Variants in DPP10 observed in about 807,000 individuals in gnomAD.
The protein encoded by DPP10 is dipeptidyl peptidase like 10.
A neutral mutation model predicts 120.9 loss-of-function variants in DPP10; 33 were observed. That is an observed-to-expected ratio of 0.27 (90% CI 0.21 to 0.37). The LOEUF (loss-of-function observed/expected upper bound fraction) is 0.37. Among genes scored for constraint, DPP10 ranks in the 10% least tolerant of loss-of-function variants. The pLI, the probability that DPP10 is intolerant of heterozygous loss-of-function variation, is 1.00. For missense variants in DPP10, 816 were observed against 942.8 expected, an observed-to-expected ratio of 0.87 and a Z score of 1.76; for synonymous variants, 337 against 326.1, an observed-to-expected ratio of 1.03 and a Z score of -0.36.
intron 1 of DPP10, among the ~76,000 whole-genome samples, chr2:114,931,755 A>C (rs1696086093): frequency 6.6e-6 from 1 of 152,238 alleles, no homozygotes; most frequent in African/African-American, 2.4e-5. Context: ...AAGTTAACCA[A>C]GCTGCATGTC....
At position 114,448,107 on chromosome 2, in the gene DPP10, GT is replaced by G. The variant is rs975909664; in HGVS notation, c.60+5277del. Among the ~76,000 whole-genome samples, 25 of 151,784 alleles carry G rather than the reference GT, an allele frequency of 1.6e-4. 1 individual carries two copies. In the Middle Eastern group the frequency reaches 0.01, roughly 63 times the overall value. On this transcript the variant is annotated intron_variant, in intron 1 of 25. Transcript: ENST00000410059. ...GCTGTTTTTAAAATGAAGCATTATA[GT>G]TTTTTTTCTTTTTAATAAAGAGTGA...
At chr2:115,321,515 G>GTTTTT (rs35046366) in intron 2 of DPP10, among the ~76,000 whole-genome samples, 1 of 121,590 alleles carries the variant, frequency 8.2e-6, no homozygotes, top group Non-Finnish European at 1.6e-5. Context: ...TTTTTTTAGT[G>GTTTTT]TTTTTTTTTT....
chr2:115,042,297 C>T lies in DPP10; in HGVS notation c.61-266942C>T, dbSNP rs150480000. Among the ~76,000 whole-genome samples, 26 of 151,982 alleles carry T rather than the reference C, an allele frequency of 1.7e-4. No homozygotes were observed. In the East Asian group the frequency reaches 4.5e-3, roughly 26 times the overall value. On this transcript the variant is annotated intron_variant, in intron 1 of 25. Transcript: ENST00000410059. ...AATTATTTTTTTTTTGACAGGGCCT[C>T]ACTGTGTTGCCCAGGCTAGGGTGCA... is the stretch of plus-strand genomic sequence containing the variant.
In DPP10 at chr2:114,844,806, G is replaced by T. The variant is rs184630454; in HGVS notation, c.60+401968G>T. 2.6e-5 allele frequency among the ~76,000 whole-genome samples: 4 copies of T among 151,828 alleles called. No homozygotes were observed. The East Asian group carries it at 7.8e-4, about 30-fold the overall frequency. ...GCAAGATGAAAGGACTTCAATTCTG[G>T]TAAGGAACTTATACAAAACTAATCT... On this transcript the variant is annotated intron_variant, in intron 1 of 25. Coordinates refer to ENST00000410059, the MANE Select transcript of DPP10 (RefSeq NM_020868.6).
chr2:115,757,621 G>T (rs1330685713), intron 11 of DPP10, among the ~76,000 whole-genome samples: 1 of 151,952 alleles, frequency 6.6e-6, no homozygotes, highest in Non-Finnish European at 1.5e-5. Context: ...ATGTGATTTG[G>T]GTGGGACACA....
intron 1 of DPP10, among the ~76,000 whole-genome samples, chr2:114,929,431 C>A (rs1200337450): frequency 6.6e-6 from 1 of 152,182 alleles, no homozygotes; most frequent in African/African-American, 2.4e-5. Flanking sequence ...TCTTCAACCG[C>A]ATAAGACAGA....
chr2:115,780,884 G>A lies in DPP10; in HGVS notation c.1372G>A (p.Glu458Lys). 2 of 1,601,280 alleles carry A rather than the reference G, an allele frequency of 1.2e-6. No individual in the cohort carries two copies. Among genetic ancestry groups the A allele is most frequent in the Non-Finnish European group, 1.7e-6 (2 of 1,172,194 alleles). The change falls in exon 16 of 26, where the codon GAA (glutamate) becomes AAA (lysine). Residue 458 changes from glutamate (E) to lysine (K), a missense_variant. This residue lies in a region of DPP10 where 592 missense variants were observed against 649.0 expected (regional missense o/e 0.91). Transcript: ENST00000410059. ...RGRQLYSAST[E>K]GLLNRQCISC... is the part of the protein sequence containing the mutation. ...TTTTTCTTTCTCCAGTGCTTCTACT[G>A]AAGGATTATTGAATCGCCAATGCAT...
chr2:115,712,543 A>ATATATATATATATATATATATACACAT (rs56675119), intron 7 of DPP10, among the ~76,000 whole-genome samples: 1 of 64,276 alleles, frequency 1.6e-5, no homozygotes, highest in Non-Finnish European at 2.9e-5. Flanking sequence ...TCCTGAATTA[A>ATATATATATATATATATATATACACAT]ATATATATAT....
chr2:114,457,616 G>A (rs551867051), intron 1 of DPP10, among the ~76,000 whole-genome samples: 2 of 152,262 alleles, frequency 1.3e-5, no homozygotes, highest in African/African-American at 4.8e-5. Flanking sequence ...TACAGATGGA[G>A]GAATCTGGGC....
chr2:115,844,673 T>C lies in DPP10; in HGVS notation c.*2328T>C, dbSNP rs1314641981. The C allele has an allele frequency of 6.6e-6, 1 of 152,158 alleles. No individual in the cohort carries two copies. The highest frequency in any genetic ancestry group is 1.5e-5 in the Non-Finnish European group (1 of 68,024). 9.4% of individuals were successfully genotyped at this position (152,158 alleles called of 1,614,324 possible). A position where few individuals can be genotyped will look rare whatever the true frequency, so the allele number is the denominator to read the frequency against. The stretch of plus-strand genomic sequence containing the variant: ...CCTTGGTCATAATCCCACTATTTCA[T>C]ACATATTTATGCATTGCTAGATTTT... On this transcript the variant is annotated 3_prime_UTR_variant, in exon 26 of 26. Coordinates refer to ENST00000410059, the MANE Select transcript of DPP10 (RefSeq NM_020868.6).
chr2:115,837,325 T>C (rs1381947899), intron 24 of DPP10, among the ~76,000 whole-genome samples: 2 of 152,230 alleles, frequency 1.3e-5, no homozygotes, highest in African/African-American at 4.8e-5. Flanking sequence ...AATATCATTT[T>C]ATATTTACAT....
intron 5 of DPP10, among the ~76,000 whole-genome samples, chr2:115,674,202 G>T (rs1441752082): frequency 6.6e-6 from 1 of 151,746 alleles, no homozygotes; most frequent in Non-Finnish European, 1.5e-5. Context: ...TCCAGTCTGG[G>T]CAACAAGAAC....
chr2:114,497,628 C>A (rs765296262), intron 1 of DPP10, among the ~76,000 whole-genome samples: 1 of 151,984 alleles, frequency 6.6e-6, no homozygotes, highest in Admixed American at 6.6e-5. Context: ...ATTTAATAAT[C>A]CCAACAGCCT....
intron 11 of DPP10, among the ~76,000 whole-genome samples, chr2:115,757,887 A>G (rs1679624902): frequency 6.6e-6 from 1 of 152,144 alleles, no homozygotes; most frequent in African/African-American, 2.4e-5. Flanking sequence ...ATGAATAACA[A>G]GAAACATCCC....
chr2:114,755,743 A>C (rs1000944097), intron 1 of DPP10, among the ~76,000 whole-genome samples: 24 of 152,200 alleles, frequency 1.6e-4, no homozygotes, highest in African/African-American at 5.3e-4. Context: ...CAGGCAAAGA[A>C]GAATTTAGCC....
intron 1 of DPP10, among the ~76,000 whole-genome samples, chr2:114,934,003 A>G (rs1240613949): frequency 2.0e-5 from 3 of 152,212 alleles, no homozygotes; most frequent in Admixed American, 2.0e-4. Flanking sequence ...ATTCTGAAAC[A>G]GAAAACTTAG....
intron 1 of DPP10, among the ~76,000 whole-genome samples, chr2:114,463,664 C>T (rs376771855): frequency 6.6e-6 from 1 of 152,068 alleles, no homozygotes; most frequent in African/African-American, 2.4e-5. Context: ...TTAAATTTGC[C>T]TATGTTAAAT....
intron 1 of DPP10, among the ~76,000 whole-genome samples, chr2:114,577,790 G>A (rs1310707651): frequency 1.3e-5 from 2 of 152,118 alleles, no homozygotes; most frequent in African/African-American, 4.8e-5. Context: ...CTAGCTGCTG[G>A]TGGTTTGCTG....
At chr2:114,629,066 T>C (rs1279906581) in intron 1 of DPP10, among the ~76,000 whole-genome samples, 1 of 152,148 alleles carries the variant, frequency 6.6e-6, no homozygotes, top group Non-Finnish European at 1.5e-5. Context: ...GCACCTCCCA[T>C]GGGTTATTTT....
Sources: allele counts gnomAD v4.1 joint callset (sites outside exome capture counted in the v4.1 genomes callset), GRCh38; gene constraint gnomAD v4.1.1; regional missense constraint gnomAD v4.1.1; transcripts MANE v1.5; gene names NCBI Gene and HGNC (gene_info 2026-07-23, HGNC 2026-07-21).